SND1: variants seen among roughly 807,000 people sequenced by gnomAD.
The protein encoded by SND1 is staphylococcal nuclease and tudor domain containing 1.
SND1 carries 38 observed loss-of-function variants against 121.7 expected under a neutral mutation model. The observed-to-expected ratio is 0.31, with a 90% CI of 0.24 to 0.41. The LOEUF is 0.41. Ranked by LOEUF, SND1 falls within the 10% of genes least tolerant of loss-of-function variation. SND1 has a pLI of 1.00. For synonymous variants in SND1, 401 were observed against 447.4 expected (o/e 0.90, Z 1.31); for missense variants, 868 against 1,184.6 (o/e 0.73, Z 3.92).
intron 13 of SND1, among the ~76,000 whole-genome samples, chr7:127,892,768 C>G (rs1169859032): frequency 1.3e-5 from 2 of 152,040 alleles, no homozygotes. Context: ...TCTGAGAGTT[C>G]CAGTGTGTGT....
intron 10 of SND1, among the ~76,000 whole-genome samples, chr7:127,790,920 T>G (rs35940771): frequency 0.6 from 90,841 of 151,948 alleles, 27,571 homozygotes; most frequent in East Asian, 0.87. Context: ...TTCGTGGAGC[T>G]TGTTCAGCAA....
At chr7:127,696,306 T>C (rs1050415187) in intron 3 of SND1, among the ~76,000 whole-genome samples, 50 of 152,290 alleles carry the variant, frequency 3.3e-4, no homozygotes, top group African/African-American at 1.1e-3. Context: ...ATTTCCTACC[T>C]AGTAGAGAAA....
chr7:127,725,008 G>A (rs1316732908), intron 10 of SND1, among the ~76,000 whole-genome samples: 1 of 151,430 alleles, frequency 6.6e-6, no homozygotes, highest in African/African-American at 2.4e-5. Flanking sequence ...ATTACTAAAA[G>A]AAAAAAGAAA....
At chr7:127,907,927 T>C (rs1039472973) in intron 14 of SND1, among the ~76,000 whole-genome samples, 1 of 152,194 alleles carries the variant, frequency 6.6e-6, no homozygotes, top group Non-Finnish European at 1.5e-5. Flanking sequence ...CTTGGCTGAT[T>C]GCTTATGGTT....
intron 11 of SND1, among the ~76,000 whole-genome samples, chr7:127,813,388 C>G (rs191992558): frequency 1.3e-5 from 2 of 152,256 alleles, no homozygotes; most frequent in Admixed American, 1.3e-4. Flanking sequence ...AGCAAGGTAG[C>G]TTTCTTCCTG....
chr7:128,027,560 C>T (rs1390783610), intron 16 of SND1: 1 of 152,304 alleles, frequency 6.6e-6, no homozygotes, highest in East Asian at 1.9e-4. Context: ...GTAATAATCC[C>T]TAATGAATCA....
chr7:127,845,810 T>C (rs1454849212), intron 12 of SND1, among the ~76,000 whole-genome samples: 1 of 152,240 alleles, frequency 6.6e-6, no homozygotes, highest in African/African-American at 2.4e-5. Flanking sequence ...ATTATCTCCT[T>C]TAGTTACCAC....
intron 12 of SND1, 33 bp downstream of exon 12, chr7:127,844,457 C>A: frequency 6.5e-7 from 1 of 1,527,292 alleles, no homozygotes; most frequent in Non-Finnish European, 9.0e-7. Context: ...ACTCAGCTGT[C>A]ATCTCAAGTA....
At chr7:127,882,846 T>C (rs1027330144) in intron 12 of SND1, among the ~76,000 whole-genome samples, 3 of 152,166 alleles carry the variant, frequency 2.0e-5, no homozygotes, top group Non-Finnish European at 4.4e-5. Flanking sequence ...TCTGCTTTCT[T>C]GAGTGTATCA....
chr7:128,060,413 G>C (rs924201912), intron 16 of SND1, among the ~76,000 whole-genome samples: 14 of 152,332 alleles, frequency 9.2e-5, no homozygotes, highest in African/African-American at 3.1e-4. Flanking sequence ...CATTGAATAT[G>C]CTCTCTCTTT....
intron 12 of SND1, among the ~76,000 whole-genome samples, chr7:127,848,625 C>A (rs1799111258): frequency 6.6e-6 from 1 of 152,182 alleles, no homozygotes; most frequent in South Asian, 2.1e-4. Context: ...TACATTTAGG[C>A]CTTCACAGCA....
At position 127,698,993 on chromosome 7, in the gene SND1, A is replaced by G. The variant is rs1796055529; in HGVS notation, c.428+40A>G. 3.9e-6 allele frequency: 6 copies of G among 1,550,154 alleles called. No homozygotes were observed. In the African/African-American group the frequency reaches 4.1e-5, roughly 11 times the overall value. On this transcript the variant is annotated intron_variant, in intron 4 of 23. Coordinates refer to ENST00000354725, the MANE Select transcript of SND1 (RefSeq NM_014390.4). ...CTCCGCTGTCTCTCTGACAGCGGTA[A>G]ATTGGCTTTGCTGCATTTTTCATTC...
At position 127,976,968 on chromosome 7, in the gene SND1, C is replaced by T. The variant is rs778017343; in HGVS notation, c.1670-13979C>T. On this transcript the variant is annotated intron_variant, in intron 15 of 23. Transcript: ENST00000354725. ...TTTCCTTCAGTCTGGGGATTCCGCC[C>T]GCACTAATGGAGCTGTCTCTTGCTG... 2.0e-5 allele frequency among the ~76,000 whole-genome samples: 3 copies of T among 152,148 alleles called. 1 individual carries two copies. Among genetic ancestry groups the T allele is most frequent in the Admixed American group, 2.0e-4 (3 of 15,272 alleles).
rs1800374913 is a variant in SND1, at chr7:127,908,031, TTTG to T, written c.1527+3215_1527+3217del. 2.0e-5 allele frequency among the ~76,000 whole-genome samples: 3 copies of T among 152,152 alleles called. No homozygotes were observed. The South Asian group carries it at 6.2e-4, about 31-fold the overall frequency. On this transcript the variant is annotated intron_variant, in intron 14 of 23. Transcript: ENST00000354725. Reference sequence around the variant, plus strand: ...GTGGCCAAATAAGCCGGCCTTTTTGTTTGTTATTACAGATGGGTTTTGATGTCA... The same window carrying T: ...GTGGCCAAATAAGCCGGCCTTTTTGTTTATTACAGATGGGTTTTGATGTCA...
At chr7:127,729,627 C>T (rs1379432785) in intron 10 of SND1, among the ~76,000 whole-genome samples, 3 of 152,000 alleles carry the variant, frequency 2.0e-5, no homozygotes, top group Non-Finnish European at 4.4e-5. Context: ...GTACTTTAGG[C>T]ACTGTAGGTC....
intron 10 of SND1, among the ~76,000 whole-genome samples, chr7:127,786,960 G>T (rs1333130497): frequency 3.9e-5 from 6 of 152,304 alleles, no homozygotes; most frequent in Middle Eastern, 3.4e-3. Flanking sequence ...TTTTAAGAAA[G>T]AAATTAGCAT....
At chr7:127,954,282 C>G (rs747955594) in intron 15 of SND1, among the ~76,000 whole-genome samples, 16 of 152,154 alleles carry the variant, frequency 1.1e-4, no homozygotes, top group Non-Finnish European at 2.2e-4. Flanking sequence ...AGATGCTGTA[C>G]TAAAGATCTT....
At chr7:127,749,514 T>C (rs1797046151) in intron 10 of SND1, among the ~76,000 whole-genome samples, 1 of 152,038 alleles carries the variant, frequency 6.6e-6, no homozygotes, top group African/African-American at 2.4e-5. Flanking sequence ...GTATTAATAA[T>C]GAGGTGTGGA....
intron 16 of SND1, among the ~76,000 whole-genome samples, chr7:128,009,964 C>T (rs1049088089): frequency 1.4e-4 from 22 of 152,188 alleles, no homozygotes; most frequent in Non-Finnish European, 5.9e-5. Flanking sequence ...GTGTTTCCCA[C>T]TCCCAGAGAG....
Sources: gnomAD v4.1 joint callset for allele counts (sites outside exome capture counted in the v4.1 genomes callset) on GRCh38, gnomAD v4.1.1 for gene constraint, MANE v1.5 for transcripts, NCBI Gene and HGNC (gene_info 2026-07-23, HGNC 2026-07-21) for gene names.